KIF1B: variants seen among roughly 807,000 people sequenced by gnomAD.
KIF1B encodes the protein kinesin-like protein KIF1B.
In KIF1B, 76 loss-of-function variants were observed where a neutral mutation model predicts 241.9. The observed-to-expected ratio is 0.31, with a 90% CI of 0.26 to 0.38. The LOEUF is 0.38. Among genes scored for constraint, KIF1B ranks in the 10% least tolerant of loss-of-function variants. The pLI is 1.00. For synonymous variants in KIF1B, 750 were observed against 796.7 expected, an observed-to-expected ratio of 0.94 and a Z score of 0.99; for missense variants, 1,622 against 2,271.4, an observed-to-expected ratio of 0.71 and a Z score of 5.81.
chr1:10,360,048 TA>T (rs202103894), intron 38 of KIF1B, among the ~76,000 whole-genome samples: 1 of 151,074 alleles, frequency 6.6e-6, no homozygotes, highest in Non-Finnish European at 1.5e-5. Context: ...TAAAATAAAA[TA>T]AAAAAATAAT....
intron 2 of KIF1B, among the ~76,000 whole-genome samples, chr1:10,233,846 T>C (rs1647014158): frequency 6.6e-6 from 1 of 152,016 alleles, no homozygotes. Flanking sequence ...TTCACCATGT[T>C]GGCCAGGCTG....
Position 10,378,111 on chromosome 1 carries a change from T to C in KIF1B, c.*1524T>C, listed in dbSNP as rs1374580212. The C allele has an allele frequency of 8.7e-6, 5 of 577,010 alleles. No homozygotes were observed. The highest frequency in any genetic ancestry group is 1.5e-5 in the Non-Finnish European group (5 of 323,800). The allele number at this position is 577,010 out of a possible 1,614,324, so 35.7% of individuals were successfully genotyped here. A position where few individuals can be genotyped will look rare whatever the true frequency, so the allele number is the denominator to read the frequency against. The stretch of plus-strand genomic sequence containing the variant: ...CTTTCAGTGATGCTCTCTATACTCA[T>C]AAATAAGCAAATGTGGCAGGCTTTG... On this transcript the variant is annotated 3_prime_UTR_variant, in exon 49 of 49. Coordinates refer to ENST00000676179, the MANE Select transcript of KIF1B (RefSeq NM_001365951.3).
intron 10 of KIF1B, among the ~76,000 whole-genome samples, chr1:10,273,730 A>AAC (rs1648941300): frequency 1.1e-5 from 1 of 89,154 alleles, no homozygotes; most frequent in South Asian, 3.5e-4. Flanking sequence ...AAAAAAAAAA[A>AAC]AAAAAAAAAC....
chr1:10,268,442 T>TAC (rs1648591018), intron 7 of KIF1B, among the ~76,000 whole-genome samples, 179 bp downstream of exon 7: 1 of 152,170 alleles, frequency 6.6e-6, no homozygotes, highest in Non-Finnish European at 1.5e-5. Context: ...GTTTTCTGTA[T>TAC]AGGTTCTTAA....
chr1:10,376,585 T>C lies in KIF1B; in HGVS notation c.5449T>C (p.Ter1817GlnextTer26). Residue 1817 changes from the stop codon to glutamine (Q), a stop_lost, in exon 49 of 49, where the codon TAA becomes CAA. Coordinates refer to ENST00000676179, the MANE Select transcript of KIF1B (RefSeq NM_001365951.3). ...SRRCPSQSKY[*>Q] Reference sequence around the variant, plus strand: ...CAGATGCCCGAGCCAGTCGAAATACTAAGTGACTCTGCCGAGTGCCCTCAC... The same window carrying C: ...CAGATGCCCGAGCCAGTCGAAATACCAAGTGACTCTGCCGAGTGCCCTCAC... The C allele has an allele frequency of 6.2e-7, 1 of 1,613,688 alleles. No homozygotes were observed. The highest frequency in any genetic ancestry group is 8.5e-7 in the Non-Finnish European group (1 of 1,179,696).
At chr1:10,345,672 A>C in intron 34 of KIF1B, 173 bp from the exon 35 acceptor site, 1 of 627,732 alleles carries the variant, frequency 1.6e-6, no homozygotes, top group Non-Finnish European at 2.9e-6. Flanking sequence ...AGAGATAACT[A>C]ATAACTTACA....
At chr1:10,340,572 C>T (rs1652354719) in intron 32 of KIF1B, among the ~76,000 whole-genome samples, 1 of 152,148 alleles carries the variant, frequency 6.6e-6, no homozygotes, top group African/African-American at 2.4e-5. Context: ...TCAGGCTGGG[C>T]GCAGTGGCTC....
chr1:10,220,404 TA>T (rs1187522737), intron 1 of KIF1B, among the ~76,000 whole-genome samples: 1,627 of 132,340 alleles, frequency 0.012, 13 homozygotes, highest in African/African-American at 0.03. Context: ...AGATGATAGA[TA>T]GATAGATAGA....
intron 22 of KIF1B, chr1:10,308,535 G>A (rs1036177127): frequency 3.9e-6 from 4 of 1,024,928 alleles, no homozygotes; most frequent in Non-Finnish European, 4.7e-6. Flanking sequence ...CAGAAAGGGA[G>A]TGTTAGTTTG....
chr1:10,311,158 G>A (rs1651048741), intron 22 of KIF1B, among the ~76,000 whole-genome samples: 1 of 150,324 alleles, frequency 6.7e-6, no homozygotes. Flanking sequence ...ATGCAAACAT[G>A]TCACCAGTTG....
intron 1 of KIF1B, among the ~76,000 whole-genome samples, chr1:10,212,205 T>C (rs982188374): frequency 2.0e-5 from 3 of 152,184 alleles, no homozygotes; most frequent in Non-Finnish European, 2.9e-5. Flanking sequence ...AGAGGTGATA[T>C]CATGGTGGAT....
At chr1:10,331,019 G>A (rs1651902142) in intron 27 of KIF1B, among the ~76,000 whole-genome samples, 1 of 151,964 alleles carries the variant, frequency 6.6e-6, no homozygotes, top group South Asian at 2.1e-4. Flanking sequence ...CCAGCACTTT[G>A]GGAGGCTGAG....
chr1:10,244,315 C>CTTTTTTTTTTTTTTTTTTTTT (rs571243520), intron 2 of KIF1B, among the ~76,000 whole-genome samples: 1 of 127,538 alleles, frequency 7.8e-6, no homozygotes, highest in African/African-American at 3.0e-5. Context: ...TTTTTCTTTT[C>CTTTTTTTTTTTTTTTTTTTTT]TTTTTTTTTT....
rs754276376 is a variant in KIF1B at position 10,348,604 on chromosome 1, T to C, written c.3865-45T>C. On this transcript the variant is annotated intron_variant, in intron 36 of 48. Transcript: ENST00000676179. ...CCAGAAAACAGTAGACGAGAGGAGA[T>C]AATAGATTGCTTCAGCTAAATTGCA... The C allele has an allele frequency of 8.4e-6, 12 of 1,430,688 alleles. No individual in the cohort carries two copies. The East Asian group carries it at 2.3e-4, about 27-fold the overall frequency. 88.6% of individuals were successfully genotyped at this position (1,430,688 alleles called of 1,614,324 possible).
intron 2 of KIF1B, among the ~76,000 whole-genome samples, chr1:10,246,616 C>T (rs999537403): frequency 5.9e-5 from 9 of 152,096 alleles, no homozygotes; most frequent in Non-Finnish European, 1.0e-4. Flanking sequence ...TGGTGGTGCA[C>T]GCCCATAGTC....
chr1:10,360,027 C>G (rs12135219), intron 38 of KIF1B, among the ~76,000 whole-genome samples: 2 of 151,202 alleles, frequency 1.3e-5, no homozygotes, highest in East Asian at 1.9e-4. Flanking sequence ...AGTGAAACTC[C>G]GTCTCAAAAA....
intron 15 of KIF1B, among the ~76,000 whole-genome samples, chr1:10,286,330 A>G (rs979027957): frequency 4.6e-5 from 7 of 152,208 alleles, no homozygotes; most frequent in African/African-American, 1.7e-4. Flanking sequence ...ATGAGCCACC[A>G]TGCCAGGTCT....
chr1:10,257,523 A>C (rs893184125), intron 3 of KIF1B, among the ~76,000 whole-genome samples: 7 of 151,766 alleles, frequency 4.6e-5, no homozygotes, highest in African/African-American at 1.5e-4. Flanking sequence ...GAAACAAAAG[A>C]TTACCAGTAT....
chr1:10,367,220 C>T (rs1012970831), intron 43 of KIF1B, among the ~76,000 whole-genome samples: 3 of 150,646 alleles, frequency 2.0e-5, no homozygotes, highest in African/African-American at 7.3e-5. Context: ...CTCAGCCTCC[C>T]AAGTAGCTTG....
Sources: gnomAD v4.1 joint callset for allele counts (sites outside exome capture counted in the v4.1 genomes callset) on GRCh38, gnomAD v4.1.1 for gene constraint, MANE v1.5 for transcripts, NCBI Gene and HGNC (gene_info 2026-07-23, HGNC 2026-07-21) for gene names.